The following CYP4X1 variants were observed in gnomAD, a reference collection of about 807,000 sequenced individuals.
CYP4X1 encodes the protein cytochrome P450 4X1.
Under a neutral mutation model 57.9 loss-of-function variants are expected in CYP4X1, and 44 were observed. The ratio of observed to expected loss-of-function variants is 0.76; its 90% CI spans 0.60 to 0.98. The LOEUF is 0.98. Ranked by LOEUF, CYP4X1 falls within the 50% of genes least tolerant of loss-of-function variation. The pLI is 0.00. For synonymous variants in CYP4X1, 227 were observed against 228.6 expected (o/e 0.99, Z 0.06); for missense variants, 532 against 623.9 (o/e 0.85, Z 1.57).
chr1:46,988,438 C>T, the CYP4X1 span, among the ~76,000 whole-genome samples: 1 of 152,162 alleles, frequency 6.6e-6, no homozygotes, highest in South Asian at 2.1e-4. Flanking sequence ...GGATTCACAG[C>T]CAAATTCTAC....
At chr1:47,017,493 G>T in the CYP4X1 span, among the ~76,000 whole-genome samples, 2 of 151,858 alleles carry the variant, frequency 1.3e-5, no homozygotes, top group African/African-American at 4.8e-5. Context: ...GATGGGGGTG[G>T]GATTGGGGAA....
upstream of CYP4X1, among the ~76,000 whole-genome samples, chr1:47,021,167 A>AAAAAAAAAG (rs1643991946): frequency 6.6e-6 from 1 of 151,114 alleles, no homozygotes; most frequent in Admixed American, 6.6e-5. Flanking sequence ...AAAAAAAAAA[A>AAAAAAAAAG]AGGAAGGAGG....
In CYP4X1 at chr1:47,035,867, A is replaced by T. The variant is rs367674618; in HGVS notation, c.554A>T (p.Asn185Ile). The change falls in exon 5 of 12, where the codon AAC becomes ATC. Residue 185 changes from asparagine to isoleucine, a missense_variant. Physicochemically the swap from Asn to Ile is moderately radical, Grantham distance 149 (BLOSUM62 -3). Coordinates refer to ENST00000371901, the MANE Select transcript of CYP4X1 (RefSeq NM_178033.2). ...AGCGTGGAGGTCTATGAGCACATCAACTCGATGTCTCTGGATATAATCATG... is the reference window on the plus strand; with the variant it reads ...AGCGTGGAGGTCTATGAGCACATCATCTCGATGTCTCTGGATATAATCATG... ...DTSVEVYEHI[N>I]SMSLDIIMKC... 22 of 1,613,542 alleles carry T rather than the reference A, an allele frequency of 1.4e-5. No individual in the cohort carries two copies. The highest frequency in any genetic ancestry group is 1.6e-4 in the Middle Eastern group (1 of 6,070).
intron 4 of CYP4X1, among the ~76,000 whole-genome samples, chr1:47,035,060 A>G (rs1032156788): frequency 6.6e-6 from 1 of 150,852 alleles, no homozygotes; most frequent in African/African-American, 2.4e-5. Flanking sequence ...TGAAATTTTA[A>G]AAGTTCAGGT....
upstream of CYP4X1, among the ~76,000 whole-genome samples, chr1:47,021,179 G>T (rs951556819): frequency 1.0e-4 from 13 of 130,298 alleles, no homozygotes; most frequent in Non-Finnish European, 2.1e-4. Context: ...GGAAGGAGGC[G>T]CTGCTCTGTT....
chr1:47,023,782 C>T lies in CYP4X1; in HGVS notation c.-36C>T, dbSNP rs1644026110. The T allele has an allele frequency of 6.3e-7, 1 of 1,596,824 alleles. No individual in the cohort carries two copies. Among genetic ancestry groups the T allele is most frequent in the African/African-American group, 1.3e-5 (1 of 74,464 alleles). Reference sequence around the variant, plus strand: ...GAGAAAGCCCACCCTCTCCCGCGCCCCAGGAAACCGCCGGCGTTCGGCGCT... The same window carrying T: ...GAGAAAGCCCACCCTCTCCCGCGCCTCAGGAAACCGCCGGCGTTCGGCGCT... On this transcript the variant is annotated 5_prime_UTR_variant, in exon 1 of 12. Coordinates refer to ENST00000371901, the MANE Select transcript of CYP4X1 (RefSeq NM_178033.2).
At chr1:46,995,505 T>A in the CYP4X1 span, among the ~76,000 whole-genome samples, 3 of 152,084 alleles carry the variant, frequency 2.0e-5, no homozygotes, top group African/African-American at 7.2e-5. Context: ...GGACATTTTA[T>A]CTTCAAGTTC....
At chr1:47,012,626 T>C in the CYP4X1 span, among the ~76,000 whole-genome samples, 3 of 151,966 alleles carry the variant, frequency 2.0e-5, no homozygotes, top group African/African-American at 7.2e-5. Context: ...CTGGCATAGA[T>C]GTGAAGTAAT....
chr1:47,050,235 T>C lies in CYP4X1; in HGVS notation c.*61T>C. On this transcript the variant is annotated 3_prime_UTR_variant, in exon 12 of 12. Coordinates refer to ENST00000371901, the MANE Select transcript of CYP4X1 (RefSeq NM_178033.2). ...TCGAAGTTAAATTTACAGCTAATGA[T>C]CCAAGCAGATAGAAAGGGATCAATG... 6.3e-7 allele frequency: 1 copy of C among 1,576,904 alleles called. No homozygotes were observed. The highest frequency in any genetic ancestry group is 8.7e-7 in the Non-Finnish European group (1 of 1,153,218).
the CYP4X1 span, among the ~76,000 whole-genome samples, chr1:46,985,289 C>A: frequency 6.6e-6 from 1 of 152,206 alleles, no homozygotes; most frequent in Non-Finnish European, 1.5e-5. Context: ...GATCATGCCA[C>A]TGCACTCCAG....
At chr1:47,017,020 A>C in the CYP4X1 span, among the ~76,000 whole-genome samples, 1 of 152,222 alleles carries the variant, frequency 6.6e-6, no homozygotes, top group South Asian at 2.1e-4. Flanking sequence ...ATATTGTTGC[A>C]AATGACAGGA....
Position 47,049,886 on chromosome 1 carries a change from T to C in CYP4X1, c.1356-114T>C, listed in dbSNP as rs561875780. On this transcript the variant is annotated intron_variant, in intron 11 of 11. Coordinates refer to ENST00000371901, the MANE Select transcript of CYP4X1 (RefSeq NM_178033.2). ...AAAGTTCAAAAGTTTCAATGGCATTTGGTGGAAAAATATCACTTTACTGTG... is the reference window on the plus strand; with the variant it reads ...AAAGTTCAAAAGTTTCAATGGCATTCGGTGGAAAAATATCACTTTACTGTG... 3 of 1,113,458 alleles carry C rather than the reference T, an allele frequency of 2.7e-6. No individual in the cohort carries two copies. In the Admixed American group the frequency reaches 7.4e-5, roughly 28 times the overall value. The allele number at this position is 1,113,458 out of a possible 1,614,324, so 69.0% of individuals were successfully genotyped here.
chr1:46,992,958 T>A, the CYP4X1 span, among the ~76,000 whole-genome samples: 1 of 152,120 alleles, frequency 6.6e-6, no homozygotes, highest in African/African-American at 2.4e-5. Context: ...ACACTTTAAG[T>A]TTTAGGGTAC....
intron 1 of CYP4X1, among the ~76,000 whole-genome samples, chr1:47,027,951 GAGGT>G (rs1172818771): frequency 1.3e-5 from 2 of 152,130 alleles, no homozygotes; most frequent in African/African-American, 4.8e-5. Context: ...AAATCTGTGA[GAGGT>G]AGGATCTTTG....
chr1:46,978,973 G>A, the CYP4X1 span, among the ~76,000 whole-genome samples: 1 of 152,288 alleles, frequency 6.6e-6, no homozygotes, highest in African/African-American at 2.4e-5. Context: ...CACATTTAAA[G>A]GAGGGTGTAG....
the CYP4X1 span, among the ~76,000 whole-genome samples, chr1:47,013,518 G>A: frequency 6.6e-6 from 1 of 152,106 alleles, no homozygotes; most frequent in Admixed American, 6.5e-5. Context: ...AAGCTGATGT[G>A]TCAGTTACAC....
chr1:46,964,513 C>T, the CYP4X1 span, among the ~76,000 whole-genome samples: 1 of 152,132 alleles, frequency 6.6e-6, no homozygotes, highest in Non-Finnish European at 1.5e-5. Flanking sequence ...CACTCCAGAC[C>T]CTGTTTGCCT....
the CYP4X1 span, among the ~76,000 whole-genome samples, chr1:46,999,016 C>T: frequency 2.7e-5 from 3 of 112,174 alleles, no homozygotes; most frequent in Admixed American, 2.0e-4. Flanking sequence ...ATGCCTTGGG[C>T]TTGCTTTCTT....
At chr1:46,986,467 A>T in the CYP4X1 span, among the ~76,000 whole-genome samples, 1 of 152,210 alleles carries the variant, frequency 6.6e-6, no homozygotes, top group Non-Finnish European at 1.5e-5. Flanking sequence ...TCTTCAGGAT[A>T]TTATCCAGGA....
Sources: gnomAD v4.1 joint callset for allele counts (sites outside exome capture counted in the v4.1 genomes callset) on GRCh38, gnomAD v4.1.1 for gene constraint, MANE v1.5 for transcripts, NCBI Gene and HGNC (gene_info 2026-07-23, HGNC 2026-07-21) for gene names.